Variants in CACNA2D1 observed in about 807,000 individuals in gnomAD.
CACNA2D1 encodes the protein calcium voltage-gated channel auxiliary subunit alpha2delta 1.
A neutral mutation model predicts 171.5 loss-of-function variants in CACNA2D1; 53 were observed. The ratio of observed to expected loss-of-function variants is 0.31; its 90% confidence interval spans 0.25 to 0.39. The LOEUF (loss-of-function observed/expected upper bound fraction) is 0.39, where lower values mean the gene tolerates loss of function less well. CACNA2D1 is among the 10% of genes least tolerant of loss of function. CACNA2D1 has a pLI of 1.00. For missense variants in CACNA2D1, 903 were observed against 1,299.8 expected, an observed-to-expected ratio of 0.69 and a Z score of 4.69; for synonymous variants, 442 against 443.1, an observed-to-expected ratio of 1.00 and a Z score of 0.03.
intron 3 of CACNA2D1, among the ~76,000 whole-genome samples, chr7:82,210,685 C>T (rs1015014633): frequency 2.6e-5 from 4 of 152,180 alleles, no homozygotes; most frequent in African/African-American, 7.2e-5. Flanking sequence ...GATTTCAAAA[C>T]ATTCATGCCT....
chr7:81,958,179 G>C (rs942062224), intron 38 of CACNA2D1, among the ~76,000 whole-genome samples: 2 of 151,616 alleles, frequency 1.3e-5, no homozygotes, highest in Non-Finnish European at 2.9e-5. Context: ...GAGATAACTG[G>C]GATTGACTGG....
At chr7:81,954,737 G>A (rs923662775) in intron 38 of CACNA2D1, among the ~76,000 whole-genome samples, 15 of 151,914 alleles carry the variant, frequency 9.9e-5, no homozygotes, top group East Asian at 3.9e-4. Flanking sequence ...AATGCAAATC[G>A]CTGGTGAAGA....
intron 3 of CACNA2D1, among the ~76,000 whole-genome samples, chr7:82,313,350 C>T (rs1814716760): frequency 6.6e-6 from 1 of 152,156 alleles, no homozygotes; most frequent in Admixed American, 6.5e-5. Flanking sequence ...ACAACAATAG[C>T]CCTAAAAAGC....
Position 81,971,566 on chromosome 7 carries a change from T to G in CACNA2D1, c.2141+211A>C, listed in dbSNP as rs181019613. On this transcript the variant is annotated intron_variant, in intron 26 of 38. Coordinates refer to ENST00000356860, the MANE Select transcript of CACNA2D1 (RefSeq NM_000722.4). The stretch of plus-strand genomic sequence containing the variant: ...TGGTGTATTCACCCTGAAGTGTATG[T>G]GCATGAAAAGTTGAGTAATAGCAGA... Among the ~76,000 whole-genome samples the G allele has an allele frequency of 8.6e-5, 13 of 151,772 alleles. No individual in the cohort carries two copies. The East Asian group carries it at 2.5e-3, about 29-fold the overall frequency.
chr7:82,026,367 ATGTT>A (rs1229412007), intron 12 of CACNA2D1, among the ~76,000 whole-genome samples: 2 of 151,380 alleles, frequency 1.3e-5, no homozygotes, highest in Non-Finnish European at 3.0e-5. Flanking sequence ...TTCTTCCTTT[ATGTT>A]TGTCATTTTG....
At chr7:82,423,757 A>G (rs1375692912) in intron 1 of CACNA2D1, among the ~76,000 whole-genome samples, 1 of 152,126 alleles carries the variant, frequency 6.6e-6, no homozygotes, top group Non-Finnish European at 1.5e-5. Context: ...TTGTAACGCC[A>G]TTTTCAAACT....
At chr7:82,383,330 C>A (rs753727136) in intron 1 of CACNA2D1, among the ~76,000 whole-genome samples, 8 of 152,156 alleles carry the variant, frequency 5.3e-5, no homozygotes, top group Non-Finnish European at 1.2e-4. Context: ...GCCAGCGGTA[C>A]CACTGCCACT....
chr7:82,070,882 T>A (rs967479336), intron 7 of CACNA2D1, among the ~76,000 whole-genome samples: 1 of 152,168 alleles, frequency 6.6e-6, no homozygotes, highest in African/African-American at 2.4e-5. Context: ...TTTTCTGTAC[T>A]CAGCAATGTC....
chr7:82,038,631 G>T (rs1803595344), intron 10 of CACNA2D1, among the ~76,000 whole-genome samples: 1 of 152,204 alleles, frequency 6.6e-6, no homozygotes, highest in South Asian at 2.1e-4. Context: ...TATTTTCATT[G>T]CCTCTTATTA....
chr7:81,988,340 G>T (rs1376549662), intron 21 of CACNA2D1, among the ~76,000 whole-genome samples: 1 of 152,108 alleles, frequency 6.6e-6, no homozygotes, highest in Non-Finnish European at 1.5e-5. Context: ...TAAAGATTGT[G>T]CATGTATAAA....
At chr7:82,206,140 A>G (rs1325241509) in intron 3 of CACNA2D1, among the ~76,000 whole-genome samples, 1 of 151,960 alleles carries the variant, frequency 6.6e-6, no homozygotes, top group Admixed American at 6.6e-5. Flanking sequence ...TCTTTTTTCA[A>G]TTTCTTGAAT....
chr7:81,990,491 G>A (rs1447259047), intron 21 of CACNA2D1, among the ~76,000 whole-genome samples: 2 of 151,858 alleles, frequency 1.3e-5, no homozygotes, highest in East Asian at 3.9e-4. Context: ...TAAGAAGGAG[G>A]AATAGCAGGT....
At chr7:82,063,224 T>C (rs1419848442) in intron 9 of CACNA2D1, among the ~76,000 whole-genome samples, 2 of 152,186 alleles carry the variant, frequency 1.3e-5, no homozygotes, top group Non-Finnish European at 2.9e-5. Flanking sequence ...TTCTGGATAT[T>C]ATTATACATC....
At chr7:82,111,407 C>G in intron 6 of CACNA2D1, among the ~76,000 whole-genome samples, 1 of 69,092 alleles carries the variant, frequency 1.4e-5, no homozygotes, top group African/African-American at 5.4e-5. Flanking sequence ...TATATATATT[C>G]ATATATGTGT....
At chr7:82,277,998 T>G (rs766236969) in intron 3 of CACNA2D1, among the ~76,000 whole-genome samples, 5 of 152,042 alleles carry the variant, frequency 3.3e-5, no homozygotes, top group Admixed American at 6.5e-5. Context: ...CCAGCCACCT[T>G]AGCCTCCCAA....
At chr7:82,050,349 AAG>A in intron 10 of CACNA2D1, 1 of 462,850 alleles carries the variant, frequency 2.2e-6, no homozygotes, top group Non-Finnish European at 3.9e-6. Context: ...GTCAGAGACA[AAG>A]AGTTTATTAC....
At chr7:82,053,376 G>A (rs551256214) in intron 10 of CACNA2D1, among the ~76,000 whole-genome samples, 1 of 151,866 alleles carries the variant, frequency 6.6e-6, no homozygotes, top group African/African-American at 2.4e-5. Context: ...ATTTTCTGAG[G>A]AGCAAATCTA....
chr7:82,238,198 A>C (rs1339180061), intron 3 of CACNA2D1, among the ~76,000 whole-genome samples: 1 of 152,032 alleles, frequency 6.6e-6, no homozygotes, highest in East Asian at 1.9e-4. Flanking sequence ...TCCCACCACT[A>C]CCTCACATGT....
intron 3 of CACNA2D1, among the ~76,000 whole-genome samples, chr7:82,223,042 T>A (rs984947080): frequency 2.6e-5 from 4 of 151,846 alleles, no homozygotes; most frequent in African/African-American, 9.7e-5. Flanking sequence ...TAACTGGGAT[T>A]ACAGGCACAT....
Sources: gnomAD v4.1 joint callset for allele counts (sites outside exome capture counted in the v4.1 genomes callset) on GRCh38, gnomAD v4.1.1 for gene constraint, MANE v1.5 for transcripts, NCBI Gene and HGNC (gene_info 2026-07-23, HGNC 2026-07-21) for gene names.